USH2A: variants seen among roughly 807,000 people sequenced by gnomAD.
USH2A encodes usherin.
Under a neutral mutation model 538.9 loss-of-function variants are expected in USH2A, and 443 were observed. The ratio of observed to expected loss-of-function variants is 0.82; its 90% CI spans 0.76 to 0.89. USH2A has a LOEUF of 0.89. Ranked by LOEUF, USH2A falls within the 40% of genes least tolerant of loss-of-function variation. USH2A has a pLI of 0.00. For synonymous variants in USH2A, 2,413 were observed against 2,273.5 expected (o/e 1.06, Z -1.75); for missense variants, 6,633 against 6,324.8 (o/e 1.05, Z -1.65).
chr1:215,650,463 T>A (rs1357657308), intron 65 of USH2A, 129 bp downstream of exon 65: 3 of 1,117,562 alleles, frequency 2.7e-6, no homozygotes, highest in African/African-American at 3.1e-5. Flanking sequence ...GCTACTAAGT[T>A]CACCGTAGAG....
intron 47 of USH2A, among the ~76,000 whole-genome samples, chr1:215,836,517 T>A (rs1419769304): frequency 3.3e-5 from 1 of 30,754 alleles, no homozygotes; most frequent in Non-Finnish European, 6.0e-5. Context: ...TATATATATA[T>A]AATATATATT....
intron 13 of USH2A, among the ~76,000 whole-genome samples, chr1:216,239,306 T>G (rs2102533832): frequency 6.6e-6 from 1 of 152,292 alleles, no homozygotes; most frequent in Middle Eastern, 3.4e-3. Context: ...AACACAACGC[T>G]TTTCGTAAGT....
chr1:215,801,863 T>C (rs1662344314), intron 49 of USH2A, among the ~76,000 whole-genome samples: 8 of 152,060 alleles, frequency 5.3e-5, no homozygotes, highest in Admixed American at 5.2e-4. Flanking sequence ...CTTTCTGATT[T>C]CAAAACTTAC....
chr1:216,141,317 C>T (rs774634609), intron 21 of USH2A, among the ~76,000 whole-genome samples: 30 of 152,346 alleles, frequency 2.0e-4, no homozygotes, highest in South Asian at 4.1e-4. Context: ...GTGAGACTCC[C>T]TGCTGCAGTC....
intron 70 of USH2A, among the ~76,000 whole-genome samples, chr1:215,630,504 ATATATATATATATATATATATAT>A (rs1372591293): frequency 7.4e-6 from 1 of 135,072 alleles, no homozygotes; most frequent in African/African-American, 2.9e-5. Context: ...ATATATATAT[ATATATATATATATATATATATAT>A]GAGAGAGAGA....
intron 55 of USH2A, among the ~76,000 whole-genome samples, chr1:215,773,088 G>A (rs1461298044): frequency 3.3e-5 from 5 of 152,266 alleles, no homozygotes; most frequent in Non-Finnish European, 5.9e-5. Context: ...TCCTCGGTAA[G>A]CCTTTTCTTT....
intron 32 of USH2A, among the ~76,000 whole-genome samples, chr1:216,010,879 C>T (rs1263654127): frequency 4.0e-5 from 6 of 150,304 alleles, no homozygotes; most frequent in South Asian, 2.1e-4. Context: ...TTGTATCCCC[C>T]GACCTTAACC....
At chr1:216,194,045 T>C (rs2034780841) in intron 19 of USH2A, 1 of 152,148 alleles carries the variant, frequency 6.6e-6, no homozygotes, top group Non-Finnish European at 1.5e-5. Context: ...TTCACATTTG[T>C]TGTTTCTGAA....
chr1:216,177,556 C>T (rs1013589058), intron 20 of USH2A, among the ~76,000 whole-genome samples: 1 of 152,058 alleles, frequency 6.6e-6, no homozygotes, highest in Non-Finnish European at 1.5e-5. Flanking sequence ...TAGAGAGCAC[C>T]CTGGCCCTGA....
intron 31 of USH2A, among the ~76,000 whole-genome samples, chr1:216,046,946 T>C (rs531754036): frequency 6.6e-6 from 1 of 152,284 alleles, no homozygotes; most frequent in South Asian, 2.1e-4. Context: ...TGATCTGAGA[T>C]GAGTAATGCT....
chr1:215,703,245 A>G (rs2820704), intron 61 of USH2A, among the ~76,000 whole-genome samples: 152,206 of 152,294 alleles, frequency 1, 76,060 homozygotes, highest in Middle Eastern at 1. Context: ...TGAGATGTCT[A>G]TGAACTCCTT....
intron 46 of USH2A, among the ~76,000 whole-genome samples, chr1:215,843,389 T>G (rs958175623): frequency 2.8e-4 from 43 of 152,184 alleles, no homozygotes; most frequent in Admixed American, 2.7e-3. Context: ...CCTTGTTATC[T>G]TTTATGGCTT....
chr1:215,890,771 C>G (rs560003977), intron 40 of USH2A, among the ~76,000 whole-genome samples: 1 of 152,116 alleles, frequency 6.6e-6, no homozygotes, highest in Admixed American at 6.5e-5. Context: ...TTGGCTATTT[C>G]CCAGAGAAAA....
intron 3 of USH2A, among the ~76,000 whole-genome samples, chr1:216,366,365 G>T (rs759825068): frequency 6.6e-6 from 1 of 152,048 alleles, no homozygotes; most frequent in Non-Finnish European, 1.5e-5. Context: ...CCACTCTGGT[G>T]CAGGGCTTTA....
intron 46 of USH2A, among the ~76,000 whole-genome samples, chr1:215,840,674 A>G (rs1296286842): frequency 1.3e-5 from 2 of 152,168 alleles, no homozygotes; most frequent in Admixed American, 6.5e-5. Flanking sequence ...CCAGAGTCAG[A>G]AAGCTGAGCT....
intron 67 of USH2A, 127 bp from the exon 68 acceptor site, chr1:215,640,861 A>T: frequency 1.0e-6 from 1 of 961,388 alleles, no homozygotes; most frequent in Non-Finnish European, 1.5e-6. Flanking sequence ...AAAAAAAAAA[A>T]AGAAAACCAA....
At chr1:215,627,465 C>CTTCCTTCT (rs1558027630) in intron 71 of USH2A, among the ~76,000 whole-genome samples, 82 of 132,750 alleles carry the variant, frequency 6.2e-4, no homozygotes, top group African/African-American at 2.3e-3. Context: ...TCCTTCCTTC[C>CTTCCTTCT]TTCCTTCCTT....
chr1:216,204,707 T>C (rs1438090719), intron 16 of USH2A, among the ~76,000 whole-genome samples: 1 of 152,208 alleles, frequency 6.6e-6, no homozygotes, highest in Non-Finnish European at 1.5e-5. Flanking sequence ...ATATAAGTAG[T>C]GTTTCCTTTA....
chr1:216,364,916 G>A, intron 4 of USH2A, 37 bp downstream of exon 4: 1 of 1,610,444 alleles, frequency 6.2e-7, no homozygotes, highest in Non-Finnish European at 8.5e-7. Flanking sequence ...CAATGTAATT[G>A]GATGAAATAA....
Sources: allele counts gnomAD v4.1 joint callset (sites outside exome capture counted in the v4.1 genomes callset), GRCh38; gene constraint gnomAD v4.1.1; transcripts MANE v1.5; gene names NCBI Gene and HGNC (gene_info 2026-07-23, HGNC 2026-07-21).